The following PTK2B variants were observed in gnomAD, a reference collection of about 807,000 sequenced individuals.
PTK2B encodes the protein protein-tyrosine kinase 2-beta.
In PTK2B, 71 loss-of-function variants were observed where a neutral mutation model predicts 142.9. The ratio of observed to expected loss-of-function variants is 0.50; its 90% CI spans 0.41 to 0.61. PTK2B has a LOEUF of 0.61. PTK2B is among the 20% of genes least tolerant of loss of function. The pLI, the probability that PTK2B is intolerant of heterozygous loss-of-function variation, is 0.00. For missense variants in PTK2B, 1,105 were observed against 1,320.4 expected (o/e 0.84, Z 2.53); for synonymous variants, 519 against 503.4 (o/e 1.03, Z -0.42).
chr8:27,341,758 C>T (rs564083241), intron 1 of PTK2B, among the ~76,000 whole-genome samples: 2 of 152,212 alleles, frequency 1.3e-5, no homozygotes, highest in South Asian at 4.1e-4. Flanking sequence ...AATGCAGCTT[C>T]TACCTCCCAG....
intron 1 of PTK2B, among the ~76,000 whole-genome samples, chr8:27,374,841 G>C (rs1806571280): frequency 6.6e-6 from 1 of 152,224 alleles, no homozygotes; most frequent in Non-Finnish European, 1.5e-5. Context: ...ACATGCCCTT[G>C]AGAGCTGAGG....
chr8:27,332,090 T>C (rs1041259619), intron 1 of PTK2B, among the ~76,000 whole-genome samples: 4 of 152,222 alleles, frequency 2.6e-5, no homozygotes, highest in Non-Finnish European at 5.9e-5. Context: ...CCAAGACAGC[T>C]GCAAGTGGCT....
At chr8:27,423,860 C>T (rs771598037) in intron 5 of PTK2B, among the ~76,000 whole-genome samples, 2 of 152,120 alleles carry the variant, frequency 1.3e-5, no homozygotes, top group Non-Finnish European at 2.9e-5. Context: ...CTTCACATTT[C>T]GTGACTTTGT....
intron 30 of PTK2B, 118 bp downstream of exon 30, chr8:27,454,729 C>G: frequency 1.8e-6 from 2 of 1,082,756 alleles, no homozygotes; most frequent in Non-Finnish European, 2.7e-6. Flanking sequence ...GAGTCCCCAC[C>G]AGGTGGGTTC....
intron 1 of PTK2B, among the ~76,000 whole-genome samples, chr8:27,348,305 G>A (rs545531757): frequency 8.6e-4 from 131 of 152,268 alleles, no homozygotes; most frequent in African/African-American, 3.1e-3. Flanking sequence ...CCAGCCGTGC[G>A]GGAGTACCGT....
rs1378004429 is a variant in PTK2B at position 27,397,584 on chromosome 8, G to T, written c.-1G>T. ...GCCGATCTTAGCTGCTGCCTGAGAG[G>T]ATGTCTGGGGTGTCCGAGCCCCTGA... is the stretch of plus-strand genomic sequence containing the variant. On this transcript the variant is annotated 5_prime_UTR_variant, in exon 2 of 31. Transcript: ENST00000346049. The T allele has an allele frequency of 1.9e-6, 3 of 1,613,336 alleles. No individual in the cohort carries two copies. The African/African-American group carries it at 4.0e-5, about 22-fold the overall frequency.
rs578251901 is a variant in PTK2B, at chr8:27,392,312, T to G, written c.-37-5236T>G. Reference sequence around the variant, plus strand: ...ATTGGCAAGTTCTACAAAGCGAGCTTTTTTTTTTTTTTTTCTGGAGCACTA... The same window carrying G: ...ATTGGCAAGTTCTACAAAGCGAGCTGTTTTTTTTTTTTTTCTGGAGCACTA... On this transcript the variant is annotated intron_variant, in intron 1 of 30. Coordinates refer to ENST00000346049, the MANE Select transcript of PTK2B (RefSeq NM_173176.3). 3.2e-4 allele frequency among the ~76,000 whole-genome samples: 47 copies of G among 144,656 alleles called. No homozygotes were observed. The East Asian group carries it at 9.3e-3, about 29-fold the overall frequency. The allele number at this position is 144,656 out of a possible 152,430, so 94.9% of individuals were successfully genotyped here.
rs1402320625 is a variant in PTK2B at position 27,363,875 on chromosome 8, T to C, written c.-37-33673T>C. Reference sequence around the variant, plus strand: ...GGGCCACGATTACTCTCCCACGTGCTGGAGATGAGGAAGTGAGGAAATACC... The same window carrying C: ...GGGCCACGATTACTCTCCCACGTGCCGGAGATGAGGAAGTGAGGAAATACC... On this transcript the variant is annotated intron_variant, in intron 1 of 30. Transcript: ENST00000346049. This position sits in a 1 kb window ranked among gnomAD's most constrained non-coding sequence, Gnocchi z 4.3. Among the ~76,000 whole-genome samples the C allele has an allele frequency of 1.1e-4, 16 of 152,182 alleles. No individual in the cohort carries two copies. Among genetic ancestry groups the C allele is most frequent in the African/African-American group, 3.9e-4 (16 of 41,434 alleles).
chr8:27,392,306 C>T (rs1364473584), intron 1 of PTK2B, among the ~76,000 whole-genome samples: 1 of 146,458 alleles, frequency 6.8e-6, no homozygotes, highest in Non-Finnish European at 1.5e-5. Flanking sequence ...TTCTACAAAG[C>T]GAGCTTTTTT....
At chr8:27,420,809 G>T in intron 4 of PTK2B, 65 bp downstream of exon 4, 1 of 1,419,028 alleles carries the variant, frequency 7.0e-7, no homozygotes, top group South Asian at 1.2e-5. Context: ...AGCATGAACC[G>T]TTCTCTCCTA....
At chr8:27,358,341 T>C (rs977835153) in intron 1 of PTK2B, among the ~76,000 whole-genome samples, 2 of 152,226 alleles carry the variant, frequency 1.3e-5, no homozygotes, top group African/African-American at 4.8e-5. Context: ...CCATTTTTGC[T>C]TTATATTTTT....
intron 13 of PTK2B, 44 bp from the exon 14 acceptor site, chr8:27,435,699 C>G: frequency 6.2e-7 from 1 of 1,608,412 alleles, no homozygotes; most frequent in Non-Finnish European, 8.5e-7. Flanking sequence ...CGGTGCCCAC[C>G]AAGGGCATCT....
intron 4 of PTK2B, among the ~76,000 whole-genome samples, chr8:27,421,307 T>C (rs1809734725): frequency 6.6e-6 from 1 of 150,792 alleles, no homozygotes; most frequent in African/African-American, 2.4e-5. Flanking sequence ...TTTATTTATT[T>C]ATTTATTTAT....
intron 1 of PTK2B, among the ~76,000 whole-genome samples, chr8:27,342,850 A>G (rs1031286916): frequency 2.0e-5 from 3 of 152,210 alleles, no homozygotes; most frequent in Non-Finnish European, 4.4e-5. Flanking sequence ...TAGAAGATGT[A>G]TTCCATCCAT....
chr8:27,403,767 CT>C (rs1808521963), intron 2 of PTK2B, among the ~76,000 whole-genome samples: 1 of 150,924 alleles, frequency 6.6e-6, no homozygotes, highest in Non-Finnish European at 1.5e-5. Flanking sequence ...GCTGCTGCTG[CT>C]GCTCCTCCTC....
At chr8:27,393,471 AT>A (rs1433683207) in intron 1 of PTK2B, among the ~76,000 whole-genome samples, 2 of 151,994 alleles carry the variant, frequency 1.3e-5, no homozygotes, top group Non-Finnish European at 2.9e-5. Context: ...AGTGAGGAAG[AT>A]AAGACACCAG....
chr8:27,319,111 G>A (rs184993734), intron 3 of PTK2B, among the ~76,000 whole-genome samples: 1 of 152,062 alleles, frequency 6.6e-6, no homozygotes, highest in African/African-American at 2.4e-5. Context: ...TTTATCCTCT[G>A]TGGAAAGATC....
intron 1 of PTK2B, among the ~76,000 whole-genome samples, chr8:27,362,287 T>G (rs1805756306): frequency 6.6e-6 from 1 of 152,168 alleles, no homozygotes; most frequent in Admixed American, 6.5e-5. Flanking sequence ...CCCTCTCCAC[T>G]TCCTGGGCGT....
intron 1 of PTK2B, among the ~76,000 whole-genome samples, chr8:27,377,634 C>T (rs939453841): frequency 3.9e-5 from 6 of 152,196 alleles, no homozygotes; most frequent in African/African-American, 1.2e-4. Flanking sequence ...AGGGCCACCT[C>T]CGGAGGCAGG....
Sources: allele counts gnomAD v4.1 joint callset (sites outside exome capture counted in the v4.1 genomes callset), GRCh38; gene constraint gnomAD v4.1.1; non-coding constraint Gnocchi (gnomAD v3.1); transcripts MANE v1.5; gene names NCBI Gene and HGNC (gene_info 2026-07-23, HGNC 2026-07-21).